SPIDR: variants seen among roughly 807,000 people sequenced by gnomAD.
SPIDR encodes the protein scaffold protein involved in DNA repair, also known as DNA repair-scaffolding protein.
SPIDR carries 93 observed loss-of-function variants against 104.6 expected under a neutral mutation model. The observed-to-expected ratio is 0.89, with a 90% CI of 0.75 to 1.06. The LOEUF (loss-of-function observed/expected upper bound fraction) is 1.06, where lower values mean the gene tolerates loss of function less well. Ranked by LOEUF, SPIDR falls within the 50% of genes least tolerant of loss-of-function variation. The pLI is 0.00. For missense variants in SPIDR, 1,154 were observed against 1,111.2 expected, an observed-to-expected ratio of 1.04 and a Z score of -0.55; for synonymous variants, 431 against 416.9, an observed-to-expected ratio of 1.03 and a Z score of -0.41.
intron 5 of SPIDR, among the ~76,000 whole-genome samples, chr8:47,395,135 G>T (rs1183042306): frequency 6.6e-6 from 1 of 151,956 alleles, no homozygotes; most frequent in African/African-American, 2.4e-5. Context: ...GATCACTTGA[G>T]GTCAGGAGTT....
chr8:47,429,753 G>T (rs1447615563), intron 7 of SPIDR, among the ~76,000 whole-genome samples: 3 of 150,778 alleles, frequency 2.0e-5, no homozygotes, highest in Non-Finnish European at 1.5e-5. Flanking sequence ...GTTAAACCTT[G>T]GGTTATTTCC....
chr8:47,733,722 A>G (rs750963324), intron 19 of SPIDR, among the ~76,000 whole-genome samples: 1 of 152,014 alleles, frequency 6.6e-6, no homozygotes, highest in African/African-American at 2.4e-5. Flanking sequence ...ACGGGCCCAC[A>G]TGGGATCATA....
intron 1 of SPIDR, among the ~76,000 whole-genome samples, chr8:47,273,201 G>C (rs2035686060): frequency 1.3e-5 from 2 of 152,196 alleles, no homozygotes; most frequent in Admixed American, 1.3e-4. Flanking sequence ...ATTGCAAGTA[G>C]TAGGTTGTCA....
rs527659641 is a variant in SPIDR, at chr8:47,672,044, A to G, written c.1545-1757A>G. ...ATGATGACAGCTCACTTAAGCCTCA[A>G]CCTCCTGGGCTGAAGTGATCCTCCC... On this transcript the variant is annotated intron_variant, in intron 10 of 19. Coordinates refer to ENST00000297423, the MANE Select transcript of SPIDR (RefSeq NM_001080394.4). 3.3e-5 allele frequency among the ~76,000 whole-genome samples: 5 copies of G among 152,160 alleles called. No individual in the cohort carries two copies. The East Asian group carries it at 9.7e-4, about 29-fold the overall frequency.
chr8:47,615,002 A>G (rs946664848), intron 10 of SPIDR, among the ~76,000 whole-genome samples: 2 of 151,740 alleles, frequency 1.3e-5, no homozygotes, highest in Non-Finnish European at 2.9e-5. Flanking sequence ...GCTTTGCGAA[A>G]TTTTCCTCCC....
intron 8 of SPIDR, among the ~76,000 whole-genome samples, chr8:47,526,722 C>T (rs2085048527): frequency 6.6e-6 from 1 of 152,170 alleles, no homozygotes; most frequent in Admixed American, 6.5e-5. Context: ...CAGTCCAAAG[C>T]AGGAGTTCTG....
chr8:47,475,016 T>G (rs182004774), intron 8 of SPIDR, among the ~76,000 whole-genome samples: 3 of 152,246 alleles, frequency 2.0e-5, no homozygotes, highest in Non-Finnish European at 2.9e-5. Context: ...TGCTTTAAGC[T>G]CCTTTAGACC....
At chr8:47,459,756 T>C (rs1470225151) in intron 8 of SPIDR, among the ~76,000 whole-genome samples, 2 of 152,148 alleles carry the variant, frequency 1.3e-5, no homozygotes, top group Non-Finnish European at 2.9e-5. Context: ...TTCAGACTTT[T>C]TGTTGTGGGC....
intron 10 of SPIDR, among the ~76,000 whole-genome samples, chr8:47,620,400 A>G (rs2064975318): frequency 6.7e-6 from 1 of 148,968 alleles, no homozygotes; most frequent in African/African-American, 2.5e-5. Flanking sequence ...TCACCCTTCC[A>G]AGTAACTGGG....
chr8:47,475,922 T>TA (rs1445514287), intron 8 of SPIDR, among the ~76,000 whole-genome samples: 1 of 152,218 alleles, frequency 6.6e-6, no homozygotes, highest in African/African-American at 2.4e-5. Context: ...GGTTATTGGT[T>TA]TCTTTTTAAT....
At chr8:47,340,337 G>A (rs1273281595) in intron 5 of SPIDR, among the ~76,000 whole-genome samples, 1 of 152,110 alleles carries the variant, frequency 6.6e-6, no homozygotes, top group Non-Finnish European at 1.5e-5. Flanking sequence ...AGGTGCAGTG[G>A]CTCATGCTTG....
chr8:47,616,504 CA>C (rs1470225915), intron 10 of SPIDR, among the ~76,000 whole-genome samples: 1 of 152,148 alleles, frequency 6.6e-6, no homozygotes, highest in Non-Finnish European at 1.5e-5. Flanking sequence ...TGTTTATAAC[CA>C]AATTACTGAA....
chr8:47,600,409 A>G (rs1031108018), intron 10 of SPIDR, among the ~76,000 whole-genome samples: 2 of 152,264 alleles, frequency 1.3e-5, no homozygotes, highest in South Asian at 2.1e-4. Context: ...TGCCAGAGAG[A>G]GAAACAGGAT....
chr8:47,671,076 A>AT (rs1226973378), intron 10 of SPIDR, among the ~76,000 whole-genome samples: 1 of 151,726 alleles, frequency 6.6e-6, no homozygotes, highest in Non-Finnish European at 1.5e-5. Flanking sequence ...TACCCAGCTA[A>AT]TTTTTTTATT....
intron 11 of SPIDR, among the ~76,000 whole-genome samples, chr8:47,699,088 A>G (rs746038921): frequency 3.9e-5 from 6 of 152,214 alleles, no homozygotes; most frequent in Non-Finnish European, 5.9e-5. Context: ...GTTTCTTCAC[A>G]AAGTAACACT....
At chr8:47,731,056 G>A (rs978927741) in intron 19 of SPIDR, among the ~76,000 whole-genome samples, 1 of 151,980 alleles carries the variant, frequency 6.6e-6, no homozygotes, top group African/African-American at 2.4e-5. Flanking sequence ...TCAGGAGTTC[G>A]AGACCAGCCT....
At chr8:47,643,675 A>G (rs985124920) in intron 10 of SPIDR, among the ~76,000 whole-genome samples, 3 of 152,198 alleles carry the variant, frequency 2.0e-5, no homozygotes, top group East Asian at 1.9e-4. Flanking sequence ...CGCAACTTCT[A>G]TTTTAGAGAA....
intron 5 of SPIDR, among the ~76,000 whole-genome samples, chr8:47,358,635 T>G (rs782374476): frequency 2.8e-4 from 43 of 152,212 alleles, no homozygotes; most frequent in Admixed American, 9.8e-4. Context: ...GCCATGTCAT[T>G]TCTCCCTGTT....
chr8:47,324,547 CTT>C (rs1472481532), intron 5 of SPIDR, among the ~76,000 whole-genome samples: 5 of 152,056 alleles, frequency 3.3e-5, no homozygotes, highest in African/African-American at 1.2e-4. Flanking sequence ...GATGTTTTAT[CTT>C]TTTTAGAAGT....
Sources: gnomAD v4.1 joint callset for allele counts (sites outside exome capture counted in the v4.1 genomes callset) on GRCh38, gnomAD v4.1.1 for gene constraint, MANE v1.5 for transcripts, NCBI Gene and HGNC (gene_info 2026-07-23, HGNC 2026-07-21) for gene names.